The following SCGB1D4 variants were observed in gnomAD, a reference collection of about 807,000 sequenced individuals.
The protein encoded by SCGB1D4 is secretoglobin family 1D member 4.
A neutral mutation model predicts 8.1 loss-of-function variants in SCGB1D4; 6 were observed. The ratio of observed to expected loss-of-function variants is 0.74; its 90% confidence interval spans 0.40 to 1.45. The LOEUF (loss-of-function observed/expected upper bound fraction) is 1.45. Ranked by LOEUF, SCGB1D4 falls within the 40% of genes most tolerant of loss-of-function variation. The pLI, the probability that SCGB1D4 is intolerant of heterozygous loss-of-function variation, is 0.02. For missense variants in SCGB1D4, 93 were observed against 95.0 expected (o/e 0.98, Z 0.09); for synonymous variants, 34 against 38.1 (o/e 0.89, Z 0.39).
At chr11:62,296,459 T>G in intron 2 of SCGB1D4, 40 bp from the exon 3 acceptor site, 1 of 1,594,546 alleles carries the variant, frequency 6.3e-7, no homozygotes, top group East Asian at 2.2e-5. Context: ...AAAGGTGAGG[T>G]CAGTCATGCT....
chr11:62,296,315 A>T lies in SCGB1D4; in HGVS notation c.*95T>A. ...AGTGATTTATTAAAGCAACGTGTTG[A>T]AACCTTTACAATTTTTAGTGAAGAT... On this transcript the variant is annotated 3_prime_UTR_variant, in exon 3 of 3. Coordinates refer to ENST00000358585, the MANE Select transcript of SCGB1D4 (RefSeq NM_206998.2). 9.0e-7 allele frequency: 1 copy of T among 1,106,660 alleles called. No homozygotes were observed. The highest frequency in any genetic ancestry group is 1.4e-6 in the Non-Finnish European group (1 of 719,710). 68.6% of individuals were successfully genotyped at this position (1,106,660 alleles called of 1,614,324 possible). A position where few individuals can be genotyped will look rare whatever the true frequency, so the allele number is the denominator to read the frequency against.
At position 62,297,347 on chromosome 11, in the gene SCGB1D4, A is replaced by T. The variant is rs1172618061; in HGVS notation, c.242+125T>A. ...ACCATCCCTGCCTTGGCCCTAGCTC[A>T]CTCCCCATGTCCTCAGCACACTCTG... On this transcript the variant is annotated intron_variant, in intron 2 of 2. Transcript: ENST00000358585. The T allele has an allele frequency of 1.3e-5, 10 of 783,874 alleles. 1 individual carries two copies. The highest frequency in any genetic ancestry group is 2.1e-5 in the Non-Finnish European group (10 of 476,958). The allele number at this position is 783,874 out of a possible 1,614,324, so 48.6% of individuals were successfully genotyped here.
rs2134521582 is a variant in SCGB1D4, at chr11:62,297,755, A to G, written c.56-97T>C. 8 of 936,006 alleles carry G rather than the reference A, an allele frequency of 8.5e-6. No homozygotes were observed. The South Asian group carries it at 1.3e-4, about 15-fold the overall frequency. 58.0% of individuals were successfully genotyped at this position (936,006 alleles called of 1,614,324 possible). A position where few individuals can be genotyped will look rare whatever the true frequency, so the allele number is the denominator to read the frequency against. ...CACCAGACAGGATCCCCTGGGTTCTATGTTTCTATACCATTATTGTGCTGA... is the reference window on the plus strand; with the variant it reads ...CACCAGACAGGATCCCCTGGGTTCTGTGTTTCTATACCATTATTGTGCTGA... On this transcript the variant is annotated intron_variant, in intron 1 of 2. Transcript: ENST00000358585.
chr11:62,297,618 TG>T lies in SCGB1D4; in HGVS notation c.95del (p.Thr32LysfsTer6), dbSNP rs781014676. On this transcript the variant is annotated frameshift_variant, in exon 2 of 3. Coordinates refer to ENST00000358585, the MANE Select transcript of SCGB1D4 (RefSeq NM_206998.2). LOFTEE classifies it high-confidence loss of function. ...CAGCGTCACTTAAGAATAAGAAGAC[TG>T]TGATCTCAGAAGCAACAGCTGGGCA... ...LVCPAVASEI[T>X]VFLFLSDAAV... The T allele has an allele frequency of 1.9e-6, 3 of 1,613,846 alleles. No individual in the cohort carries two copies. The highest frequency in any genetic ancestry group is 2.2e-5 in the East Asian group (1 of 44,894).
In SCGB1D4 at chr11:62,299,019, A is replaced by T; in HGVS notation, c.-9T>A. 1 of 1,613,038 alleles carries T rather than the reference A, an allele frequency of 6.2e-7. No individual in the cohort carries two copies. Among genetic ancestry groups the T allele is most frequent in the Non-Finnish European group, 8.5e-7 (1 of 1,179,478 alleles). Reference sequence around the variant, plus strand: ...CACACTGACAGCCTCATGGTGGCTTATTCGGCTGTGAGCTCAGCTTTCACA... The same window carrying T: ...CACACTGACAGCCTCATGGTGGCTTTTTCGGCTGTGAGCTCAGCTTTCACA... On this transcript the variant is annotated 5_prime_UTR_variant, in exon 1 of 3. Coordinates refer to ENST00000358585, the MANE Select transcript of SCGB1D4 (RefSeq NM_206998.2).
rs1590682717 is a variant in SCGB1D4 at position 62,298,081 on chromosome 11, T to C, written c.56-423A>G. The stretch of plus-strand genomic sequence containing the variant: ...GTTTTTTTTTTTTGTAGAGATGGGG[T>C]TTCGCCATGTTGCCCAGGCTGGTGC... On this transcript the variant is annotated intron_variant, in intron 1 of 2. Coordinates refer to ENST00000358585, the MANE Select transcript of SCGB1D4 (RefSeq NM_206998.2). Among the ~76,000 whole-genome samples, 2 of 134,014 alleles carry C rather than the reference T, an allele frequency of 1.5e-5. 1 individual carries two copies. The highest frequency in any genetic ancestry group is 4.8e-4 in the South Asian group (2 of 4,150). The allele number at this position is 134,014 out of a possible 152,430, so 87.9% of individuals were successfully genotyped here. A position where few individuals can be genotyped will look rare whatever the true frequency, so the allele number is the denominator to read the frequency against.
chr11:62,297,591 C>A lies in SCGB1D4; in HGVS notation c.123G>T (p.Ala41=). The A allele has an allele frequency of 6.2e-7, 1 of 1,614,082 alleles. No individual in the cohort carries two copies. Among genetic ancestry groups the A allele is most frequent in the South Asian group, 1.1e-5 (1 of 91,084 alleles). Residue 41 remains alanine (A), a synonymous_variant, in exon 2 of 3, where the codon GCG becomes GCT. Transcript: ENST00000358585. ...ITVFLFLSDA[A]VNLQVAKLNP... ...TAAGTTTGGCAACTTGGAGGTTTAC[C>A]GCAGCGTCACTTAAGAATAAGAAGA...
Position 62,296,432 on chromosome 11 carries a change from AAAAGAAAG to A in SCGB1D4, c.243-21_243-14del. 1.2e-6 allele frequency: 2 copies of A among 1,608,534 alleles called. No individual in the cohort carries two copies. The highest frequency in any genetic ancestry group is 2.2e-5 in the East Asian group (1 of 44,852). On this transcript the variant is annotated splice_polypyrimidine_tract_variant and intron_variant, in intron 2 of 2. Coordinates refer to ENST00000358585, the MANE Select transcript of SCGB1D4 (RefSeq NM_206998.2). ...TCACTATTTCCACCTGAAATCAAAA[AAAAGAAAG>A]AAAGAAAGAAAGGTGAGGTCAGTCA...
chr11:62,298,318 G>T (rs950577551), intron 1 of SCGB1D4, among the ~76,000 whole-genome samples: 2 of 152,102 alleles, frequency 1.3e-5, no homozygotes, highest in Non-Finnish European at 1.5e-5. Flanking sequence ...GGGGTGGGAA[G>T]TGTCGAAGCC....
intron 1 of SCGB1D4, among the ~76,000 whole-genome samples, chr11:62,298,682 C>T (rs1945464340): frequency 6.6e-6 from 1 of 150,786 alleles, no homozygotes; most frequent in African/African-American, 2.4e-5. Flanking sequence ...TCACTTGAAC[C>T]CCGGAGGCAG....
rs1465887104 is a variant in SCGB1D4 at position 62,296,368 on chromosome 11, C to A, written c.*42G>T. The A allele has an allele frequency of 6.3e-7, 1 of 1,593,290 alleles. No homozygotes were observed. Among genetic ancestry groups the A allele is most frequent in the South Asian group, 1.1e-5 (1 of 90,364 alleles). ...GGGTGTCGTTGAAAGACTTTGGAAA[C>A]CAGGTTGAGCATTTTTACATGTCAC... On this transcript the variant is annotated 3_prime_UTR_variant, in exon 3 of 3. Coordinates refer to ENST00000358585, the MANE Select transcript of SCGB1D4 (RefSeq NM_206998.2).
chr11:62,298,038 GTGTGTGTGTTT>G (rs372538960), intron 1 of SCGB1D4, among the ~76,000 whole-genome samples: 13 of 146,174 alleles, frequency 8.9e-5, no homozygotes, highest in African/African-American at 3.4e-4. Context: ...GTGTGTGTGT[GTGTGTGTGTTT>G]TGTTTTGTTT....
At chr11:62,296,947 C>T (rs1460235690) in intron 2 of SCGB1D4, among the ~76,000 whole-genome samples, 1 of 152,222 alleles carries the variant, frequency 6.6e-6, no homozygotes, top group African/African-American at 2.4e-5. Flanking sequence ...GGCAGCCAGG[C>T]TGAGAGGGCC....
At chr11:62,298,930 G>A (rs1565140040) in intron 1 of SCGB1D4, 26 bp downstream of exon 1, 1 of 1,612,416 alleles carries the variant, frequency 6.2e-7, no homozygotes, top group African/African-American at 1.3e-5. Context: ...AGGGGCTGGT[G>A]CTGGACTCAT....
At position 62,299,033 on chromosome 11, in the gene SCGB1D4, T is replaced by C. The variant is rs1358718812; in HGVS notation, c.-23A>G. The stretch of plus-strand genomic sequence containing the variant: ...CATGGTGGCTTATTCGGCTGTGAGC[T>C]CAGCTTTCACAATGAGTGATTTGGA... On this transcript the variant is annotated 5_prime_UTR_variant, in exon 1 of 3. Coordinates refer to ENST00000358585, the MANE Select transcript of SCGB1D4 (RefSeq NM_206998.2). 6.2e-7 allele frequency: 1 copy of C among 1,611,172 alleles called. No homozygotes were observed. Among genetic ancestry groups the C allele is most frequent in the South Asian group, 1.1e-5 (1 of 90,740 alleles).
intron 2 of SCGB1D4, 76 bp downstream of exon 2, chr11:62,297,396 A>G (rs964537219): frequency 4.1e-5 from 47 of 1,141,992 alleles, no homozygotes; most frequent in Non-Finnish European, 5.4e-5. Flanking sequence ...CAGGCAGGTG[A>G]CCTGACAAGA....
Position 62,299,022 on chromosome 11 carries a change from C to A in SCGB1D4, c.-12G>T. 1 of 1,612,362 alleles carries A rather than the reference C, an allele frequency of 6.2e-7. No individual in the cohort carries two copies. The highest frequency in any genetic ancestry group is 8.5e-7 in the Non-Finnish European group (1 of 1,179,134). On this transcript the variant is annotated 5_prime_UTR_variant, in exon 1 of 3. Transcript: ENST00000358585. ...ACTGACAGCCTCATGGTGGCTTATTCGGCTGTGAGCTCAGCTTTCACAATG... is the reference window on the plus strand; with the variant it reads ...ACTGACAGCCTCATGGTGGCTTATTAGGCTGTGAGCTCAGCTTTCACAATG...
chr11:62,296,435 A>G lies in SCGB1D4; in HGVS notation c.243-16T>C. The G allele has an allele frequency of 3.1e-6, 5 of 1,594,754 alleles. No homozygotes were observed. The South Asian group carries it at 3.3e-5, about 11-fold the overall frequency. On this transcript the variant is annotated splice_polypyrimidine_tract_variant and intron_variant, in intron 2 of 2. Coordinates refer to ENST00000358585, the MANE Select transcript of SCGB1D4 (RefSeq NM_206998.2). Reference sequence around the variant, plus strand: ...CTATTTCCACCTGAAATCAAAAAAAAGAAAGAAAGAAAGAAAGGTGAGGTC... The same window carrying G: ...CTATTTCCACCTGAAATCAAAAAAAGGAAAGAAAGAAAGAAAGGTGAGGTC...
At chr11:62,297,701 G>A (rs773744505) in intron 1 of SCGB1D4, 43 bp from the exon 2 acceptor site, 9 of 1,548,934 alleles carry the variant, frequency 5.8e-6, no homozygotes, top group South Asian at 4.6e-5. Flanking sequence ...TAGGAAAGTC[G>A]ATTTTTCTCT....
Sources: allele counts gnomAD v4.1 joint callset (sites outside exome capture counted in the v4.1 genomes callset), GRCh38; gene constraint gnomAD v4.1.1; transcripts MANE v1.5; gene names NCBI Gene and HGNC (gene_info 2026-07-23, HGNC 2026-07-21).